Variants in PSPC1 observed in about 807,000 individuals in gnomAD.
PSPC1 encodes the protein paraspeckle component 1, also known as paraspeckle protein 1.
A neutral mutation model predicts 51.6 loss-of-function variants in PSPC1; 14 were observed. The observed-to-expected ratio is 0.27, with a 90% CI of 0.18 to 0.42. The LOEUF (loss-of-function observed/expected upper bound fraction) is 0.42. Among genes scored for constraint, PSPC1 ranks in the 10% least tolerant of loss-of-function variants. The pLI, the probability that PSPC1 is intolerant of heterozygous loss-of-function variation, is 1.00. For synonymous variants in PSPC1, 193 were observed against 231.9 expected, an observed-to-expected ratio of 0.83 and a Z score of 1.53; for missense variants, 406 against 701.1, an observed-to-expected ratio of 0.58 and a Z score of 4.75.
At chr13:19,743,481 GCA>G (rs1555241400) in intron 4 of PSPC1, among the ~76,000 whole-genome samples, 1 of 73,678 alleles carries the variant, frequency 1.4e-5, no homozygotes, top group African/African-American at 3.0e-5. Context: ...TATAAATTAT[GCA>G]AAAAAAAAGG....
rs773145476 is a variant in PSPC1 at position 19,727,960 on chromosome 13, T to A, written c.1158+2279A>T. Among the ~76,000 whole-genome samples the A allele has an allele frequency of 1.0e-3, 154 of 152,294 alleles. 1 individual carries two copies. Among genetic ancestry groups the A allele is most frequent in the Non-Finnish European group, 1.7e-3 (113 of 68,006 alleles). Reference sequence around the variant, plus strand: ...AATGTTATCCTAAATGAGTAAAAAATGTTGTTTAATTTATAGTTACAACAG... The same window carrying A: ...AATGTTATCCTAAATGAGTAAAAAAAGTTGTTTAATTTATAGTTACAACAG... On this transcript the variant is annotated intron_variant, in intron 6 of 8. Coordinates refer to ENST00000338910, the MANE Select transcript of PSPC1 (RefSeq NM_001354909.2).
intron 6 of PSPC1, among the ~76,000 whole-genome samples, chr13:19,689,991 T>C (rs1878363187): frequency 6.6e-6 from 1 of 152,208 alleles, no homozygotes; most frequent in Admixed American, 6.5e-5. Context: ...TGGTAACTCT[T>C]AAGAACTCCT....
intron 6 of PSPC1, among the ~76,000 whole-genome samples, chr13:19,712,568 A>C (rs1418408938): frequency 6.6e-6 from 1 of 152,180 alleles, no homozygotes; most frequent in African/African-American, 2.4e-5. Flanking sequence ...CTATGGTTTT[A>C]AGTTAACTAT....
chr13:19,698,376 A>ATGTT, downstream of PSPC1, among the ~76,000 whole-genome samples: 1 of 151,814 alleles, frequency 6.6e-6, no homozygotes, highest in South Asian at 2.1e-4. Context: ...AAAACACTTA[A>ATGTT]ACAAAGCATT....
rs553198038 is a variant in PSPC1 at position 19,690,626 on chromosome 13, C to CA, written c.1159-12804dup. ...TTACTGCTTGGGGTTCCACCAAGACCAAACGCCATTGTATTTGGTATAGCC... is the reference window on the plus strand; with the variant it reads ...TTACTGCTTGGGGTTCCACCAAGACCAAAACGCCATTGTATTTGGTATAGCC... On this transcript the variant is annotated intron_variant and NMD_transcript_variant, in intron 6 of 7. Transcript: ENST00000471658. Among the ~76,000 whole-genome samples, 62 of 152,224 alleles carry CA rather than the reference C, an allele frequency of 4.1e-4. No homozygotes were observed. The East Asian group carries it at 0.012, about 28-fold the overall frequency.
intron 6 of PSPC1, among the ~76,000 whole-genome samples, chr13:19,727,466 C>G (rs369845766): frequency 6.6e-6 from 1 of 152,064 alleles, no homozygotes; most frequent in Admixed American, 6.6e-5. Flanking sequence ...AAACATCACC[C>G]CAATTTTCCT....
chr13:19,673,898 G>A (rs533606472), downstream of PSPC1, among the ~76,000 whole-genome samples: 2 of 152,352 alleles, frequency 1.3e-5, no homozygotes, highest in South Asian at 2.1e-4. Context: ...GCAATGTTGT[G>A]TAGTGCAGTT....
chr13:19,749,966 A>T (rs1886370256), intron 4 of PSPC1, among the ~76,000 whole-genome samples: 1 of 152,208 alleles, frequency 6.6e-6, no homozygotes, highest in African/African-American at 2.4e-5. Flanking sequence ...GCATCAGCAC[A>T]GTTACTCAAT....
intron 2 of PSPC1, among the ~76,000 whole-genome samples, chr13:19,769,625 T>C (rs897136099): frequency 2.0e-5 from 3 of 151,170 alleles, no homozygotes; most frequent in Admixed American, 1.3e-4. Flanking sequence ...ATCCCAGCTA[T>C]CTGGGAGGCT....
intron 5 of PSPC1, among the ~76,000 whole-genome samples, chr13:19,736,649 C>T (rs1427703062): frequency 6.6e-6 from 1 of 152,148 alleles, no homozygotes; most frequent in Non-Finnish European, 1.5e-5. Flanking sequence ...CGCCACTGCA[C>T]TCCAGCCTGG....
intron 6 of PSPC1, among the ~76,000 whole-genome samples, chr13:19,724,930 C>T (rs1883193292): frequency 1.3e-5 from 2 of 151,932 alleles, no homozygotes; most frequent in Non-Finnish European, 2.9e-5. Context: ...ACCTGGGAGG[C>T]GGGGGTTGGA....
At chr13:19,768,946 C>G (rs1448229994) in intron 2 of PSPC1, among the ~76,000 whole-genome samples, 1 of 148,482 alleles carries the variant, frequency 6.7e-6, no homozygotes, top group East Asian at 2.0e-4. Context: ...ACCAGCCTAG[C>G]CAACGTGGCG....
At chr13:19,713,956 GA>G (rs1290701083) in intron 6 of PSPC1, among the ~76,000 whole-genome samples, 2 of 152,260 alleles carry the variant, frequency 1.3e-5, no homozygotes, top group East Asian at 3.9e-4. Flanking sequence ...TAATGGCTAG[GA>G]AAAGTCCCAG....
At chr13:19,773,866 T>C (rs1888845755) in intron 1 of PSPC1, among the ~76,000 whole-genome samples, 1 of 152,072 alleles carries the variant, frequency 6.6e-6, no homozygotes. Flanking sequence ...ATATTCCCCA[T>C]GCTGGTCTCT....
chr13:19,758,259 G>C (rs991850566), intron 3 of PSPC1, among the ~76,000 whole-genome samples: 1 of 151,828 alleles, frequency 6.6e-6, no homozygotes, highest in African/African-American at 2.4e-5. Context: ...CTTGCAGTGA[G>C]CCGAGATCGT....
At chr13:19,745,476 T>G (rs554910505) in intron 4 of PSPC1, among the ~76,000 whole-genome samples, 1 of 152,200 alleles carries the variant, frequency 6.6e-6, no homozygotes, top group Non-Finnish European at 1.5e-5. Context: ...CAGTGTTTTC[T>G]CAATTTAAAA....
chr13:19,752,954 G>C (rs1053757263), intron 3 of PSPC1, among the ~76,000 whole-genome samples: 1 of 151,908 alleles, frequency 6.6e-6, no homozygotes, highest in African/African-American at 2.4e-5. Context: ...ATAGGGTCTT[G>C]CTCAGTTTCA....
At chr13:19,725,286 A>C (rs770120110) in intron 6 of PSPC1, among the ~76,000 whole-genome samples, 1 of 152,228 alleles carries the variant, frequency 6.6e-6, no homozygotes. Flanking sequence ...ACTACCAATG[A>C]ACCTTCTGGA....
downstream of PSPC1, among the ~76,000 whole-genome samples, chr13:19,698,725 T>G (rs1411904609): frequency 6.6e-6 from 1 of 151,898 alleles, no homozygotes; most frequent in African/African-American, 2.4e-5. Flanking sequence ...CAAACTTCTT[T>G]TAAAAATACA....
Sources: allele counts gnomAD v4.1 joint callset (sites outside exome capture counted in the v4.1 genomes callset), GRCh38; gene constraint gnomAD v4.1.1; transcripts MANE v1.5; gene names NCBI Gene and HGNC (gene_info 2026-07-23, HGNC 2026-07-21).